Variants in ANO4 observed in about 807,000 individuals in gnomAD.
ANO4 encodes the protein anoctamin 4.
ANO4 carries 69 observed loss-of-function variants against 141.9 expected under a neutral mutation model. The observed-to-expected ratio is 0.49, with a 90% CI of 0.40 to 0.59. The LOEUF (loss-of-function observed/expected upper bound fraction) is 0.59, where lower values mean the gene tolerates loss of function less well. Ranked by LOEUF, ANO4 falls within the 20% of genes least tolerant of loss-of-function variation. ANO4 has a pLI of 0.00. For missense variants in ANO4, 894 were observed against 1,162.2 expected (o/e 0.77, Z 3.36); for synonymous variants, 350 against 394.3 (o/e 0.89, Z 1.33).
At chr12:100,804,034 T>A (rs11110525) in intron 1 of ANO4, among the ~76,000 whole-genome samples, 57,628 of 151,872 alleles carry the variant, frequency 0.38, 11,602 homozygotes, top group Middle Eastern at 0.53. Flanking sequence ...CAGGGTGGTT[T>A]GCTGCCCAGA....
chr12:100,992,623 A>G (rs190209965), intron 8 of ANO4, among the ~76,000 whole-genome samples: 4 of 152,300 alleles, frequency 2.6e-5, no homozygotes, highest in African/African-American at 7.2e-5. Flanking sequence ...TTTTTTAACA[A>G]TTGAAATGCT....
At position 101,092,502 on chromosome 12, in the gene ANO4, A is replaced by G. The variant is rs1291303966; in HGVS notation, c.1702-1754A>G. On this transcript the variant is annotated intron_variant, in intron 17 of 27. Coordinates refer to ENST00000392977, the MANE Select transcript of ANO4 (RefSeq NM_001286615.2). ...GAAATCAGACATTTTTCCAGAAACC[A>G]CTCATGTGGAGATCTCTGAGCGGCT... Among the ~76,000 whole-genome samples the G allele has an allele frequency of 2.0e-5, 3 of 151,948 alleles. No homozygotes were observed. In the East Asian group the frequency reaches 5.8e-4, roughly 29 times the overall value.
intron 1 of ANO4, among the ~76,000 whole-genome samples, chr12:100,844,389 A>G (rs1363904893): frequency 1.3e-5 from 2 of 152,120 alleles, no homozygotes; most frequent in Non-Finnish European, 2.9e-5. Flanking sequence ...ATTTCATCTC[A>G]CAGCAATTCC....
chr12:101,065,801 A>G (rs1327379295), intron 14 of ANO4, among the ~76,000 whole-genome samples: 2 of 152,224 alleles, frequency 1.3e-5, no homozygotes, highest in Non-Finnish European at 2.9e-5. Context: ...AGACAAAGAC[A>G]CATCAAAAAA....
intron 5 of ANO4, among the ~76,000 whole-genome samples, chr12:100,946,837 TAAG>T (rs1167525045): frequency 2.0e-5 from 3 of 152,212 alleles, no homozygotes; most frequent in Admixed American, 1.3e-4. Context: ...CAGAAGAGAC[TAAG>T]AAGGAGTCAC....
At chr12:100,791,426 C>A (rs183563921), upstream of ANO4, among the ~76,000 whole-genome samples, 553 of 151,808 alleles carry the variant, frequency 3.6e-3, 2 homozygotes, top group Non-Finnish European at 5.5e-3. Flanking sequence ...ACAACAACAA[C>A]AACAAAAATG....
chr12:100,932,219 T>C (rs2042110702), intron 3 of ANO4, among the ~76,000 whole-genome samples: 1 of 152,130 alleles, frequency 6.6e-6, no homozygotes, highest in South Asian at 2.1e-4. Context: ...ATCTGAAACT[T>C]CTATACTGTA....
intron 1 of ANO4, among the ~76,000 whole-genome samples, chr12:100,731,292 A>G (rs2031370103): frequency 6.6e-6 from 1 of 152,202 alleles, no homozygotes; most frequent in Admixed American, 6.6e-5. Flanking sequence ...TGTAACCTGT[A>G]GTGGTTTATA....
chr12:100,786,362 A>T (rs2033873752), intron 3 of ANO4, among the ~76,000 whole-genome samples: 1 of 152,080 alleles, frequency 6.6e-6, no homozygotes, highest in Admixed American at 6.6e-5. Flanking sequence ...GTGGGGGGGA[A>T]TTAAATAATC....
At chr12:101,004,881 G>A (rs2045805627) in intron 8 of ANO4, among the ~76,000 whole-genome samples, 1 of 152,140 alleles carries the variant, frequency 6.6e-6, no homozygotes, top group African/African-American at 2.4e-5. Context: ...CCACAAAGAT[G>A]GTGGAGGGCC....
intron 19 of ANO4, among the ~76,000 whole-genome samples, chr12:101,097,394 A>G (rs2050028221): frequency 6.6e-6 from 1 of 152,188 alleles, no homozygotes; most frequent in Non-Finnish European, 1.5e-5. Flanking sequence ...TGCAGCAGAA[A>G]ATGTTGAAAG....
chr12:101,028,790 A>G (rs567639868), intron 9 of ANO4, among the ~76,000 whole-genome samples: 1 of 152,340 alleles, frequency 6.6e-6, no homozygotes, highest in African/African-American at 2.4e-5. Flanking sequence ...TCCCTAACCT[A>G]GGAAGACAGG....
intron 3 of ANO4, chr12:100,740,216 G>A (rs1393476015): frequency 6.2e-6 from 4 of 650,280 alleles, no homozygotes; most frequent in Non-Finnish European, 1.1e-5. Flanking sequence ...TGATATGATG[G>A]ACCCCAACAA....
At chr12:100,993,461 C>T (rs930318586) in intron 8 of ANO4, among the ~76,000 whole-genome samples, 7 of 152,016 alleles carry the variant, frequency 4.6e-5, no homozygotes, top group Non-Finnish European at 1.0e-4. Flanking sequence ...ACAAAATGGT[C>T]AAAGAACCTG....
chr12:101,039,289 G>C (rs541856722), intron 10 of ANO4, among the ~76,000 whole-genome samples: 1 of 152,184 alleles, frequency 6.6e-6, no homozygotes, highest in Admixed American at 6.5e-5. Flanking sequence ...CAGATCGCTT[G>C]AGTCTAGGAA....
At chr12:101,127,165 T>C (rs904831333) in intron 27 of ANO4, 91 bp downstream of exon 27, 2 of 1,255,126 alleles carry the variant, frequency 1.6e-6, no homozygotes, top group Non-Finnish European at 2.2e-6. Context: ...ATTGTTGCAG[T>C]AACAGGGATC....
intron 1 of ANO4, among the ~76,000 whole-genome samples, chr12:100,865,313 G>T (rs2038699134): frequency 5.3e-5 from 8 of 152,110 alleles, no homozygotes; most frequent in Admixed American, 5.2e-4. Context: ...TGACAAATGG[G>T]ATCTAATTAA....
intron 1 of ANO4, among the ~76,000 whole-genome samples, chr12:100,795,662 C>T (rs1477780816): frequency 6.6e-6 from 1 of 152,128 alleles, no homozygotes; most frequent in African/African-American, 2.4e-5. Flanking sequence ...CTCAGGGTAC[C>T]CAGTTCTGCA....
rs139830861 is a variant in ANO4, at chr12:100,924,957, A to G, written c.160+2627A>G. On this transcript the variant is annotated intron_variant, in intron 3 of 27. Transcript: ENST00000392977. ...GTTTAGAAGGGTGATCTTTCTATGA[A>G]CAGGTAGAGGAGTATAAATTTATGA... Among the ~76,000 whole-genome samples the G allele has an allele frequency of 4.3e-3, 651 of 152,240 alleles. 4 individuals carry two copies. The highest frequency in any genetic ancestry group is 0.014 in the African/African-American group (591 of 41,570).
Sources: allele counts gnomAD v4.1 joint callset (sites outside exome capture counted in the v4.1 genomes callset), GRCh38; gene constraint gnomAD v4.1.1; transcripts MANE v1.5; gene names NCBI Gene and HGNC (gene_info 2026-07-23, HGNC 2026-07-21).